The following BRME1 variants were observed in gnomAD, a reference collection of about 807,000 sequenced individuals.
BRME1 encodes the protein break repair meiotic recombinase recruitment factor 1, also known as BRCA2 and MEILB2-associating protein 1.
Under a neutral mutation model 52.6 loss-of-function variants are expected in BRME1, and 31 were observed. That is an observed-to-expected ratio of 0.59 (90% CI 0.44 to 0.80). The LOEUF is 0.80. Among genes scored for constraint, BRME1 ranks in the 30% least tolerant of loss-of-function variants. The probability of loss-of-function intolerance (pLI) is 0.00; values close to 1 mark genes in which losing one functional copy is unlikely to be tolerated. For synonymous variants in BRME1, 359 were observed against 353.6 expected (o/e 1.02, Z -0.17); for missense variants, 804 against 860.3 (o/e 0.93, Z 0.82).
chr19:13,882,936 T>G lies in BRME1; in HGVS notation c.1873A>C (p.Thr625Pro). Residue 625 changes from threonine (T) to proline (P), a missense_variant, in exon 9 of 9, where the codon ACC becomes CCC. Physicochemically the swap from Thr to Pro is conservative, Grantham distance 38. Transcript: ENST00000586783. The stretch of plus-strand genomic sequence containing the variant: ...TTGAAAGCTTCCAGGTCCCGGTGGG[T>G]GCCCATGATCAGCCGGCTGTGGGGG... ...LSNLNRLIMG[T>P]HRDLEAFKRL... 6.2e-7 allele frequency: 1 copy of G among 1,612,886 alleles called. No individual in the cohort carries two copies. Among genetic ancestry groups the G allele is most frequent in the Non-Finnish European group, 8.5e-7 (1 of 1,179,794 alleles).
In BRME1 at chr19:13,883,397, G is replaced by C. The variant is rs1248349632; in HGVS notation, c.1767C>G (p.Thr589=). The C allele has an allele frequency of 5.9e-6, 9 of 1,532,556 alleles. No individual in the cohort carries two copies. The Admixed American group carries it at 9.8e-5, about 17-fold the overall frequency. 94.9% of individuals were successfully genotyped at this position (1,532,556 alleles called of 1,614,324 possible). Residue 589 remains threonine (T), a synonymous_variant, in exon 8 of 9, where the codon ACC becomes ACG. Transcript: ENST00000586783. The surrounding 1 kb of genome is among the most constrained non-coding windows in gnomAD (Gnocchi z 4.2). ...PVAVAKAQPR[T]FVGIQASEAS... ...CCTCAGAGGCCTGGATCCCCACGAAGGTCCTGGCCAGCAGGGAAGGAAATT... is the reference window on the plus strand; with the variant it reads ...CCTCAGAGGCCTGGATCCCCACGAACGTCCTGGCCAGCAGGGAAGGAAATT...
rs1014128285 is a variant in BRME1, at chr19:13,882,514, T to C, written c.*288A>G. 1.2e-5 allele frequency: 6 copies of C among 503,090 alleles called. No individual in the cohort carries two copies. Among genetic ancestry groups the C allele is most frequent in the East Asian group, 3.3e-5 (1 of 29,878 alleles). The allele number at this position is 503,090 out of a possible 1,614,324, so 31.2% of individuals were successfully genotyped here. ...CTAAAATTTGCAAATCCGGACAGGA[T>C]GGGCCCTGCTCAGAGGTGGCCAGCT... On this transcript the variant is annotated 3_prime_UTR_variant, in exon 9 of 9. Coordinates refer to ENST00000586783, the MANE Select transcript of BRME1 (RefSeq NM_001345843.2).
At chr19:13,899,897 G>A (rs1970182193) in intron 2 of BRME1, among the ~76,000 whole-genome samples, 1 of 152,116 alleles carries the variant, frequency 6.6e-6, no homozygotes, top group Admixed American at 6.6e-5. Context: ...AGCTAATCAG[G>A]AGGCTGAGGC....
Position 13,889,270 on chromosome 19 carries a change from A to C in BRME1, c.1586T>G (p.Leu529Ter), listed in dbSNP as rs1969268860. The change falls in exon 6 of 9, where the codon TTA (leucine) becomes TGA (stop). Residue 529 changes from leucine (L) to a stop codon, truncating the protein, a stop_gained. Transcript: ENST00000586783. LOFTEE classifies it high-confidence loss of function. ...CAGCAGGAAGTCGAGTTCCACAGCTAAAGAGTCTGCCCAGGTGCCCTGGTC... is the reference window on the plus strand; with the variant it reads ...CAGCAGGAAGTCGAGTTCCACAGCTCAAGAGTCTGCCCAGGTGCCCTGGTC... The part of the protein sequence containing the change: ...SADQGTWADS[L>*]AVELDFLLDS... 1.9e-6 allele frequency: 3 copies of C among 1,614,002 alleles called. No homozygotes were observed. The highest frequency in any genetic ancestry group is 2.5e-6 in the Non-Finnish European group (3 of 1,179,954).
At position 13,886,073 on chromosome 19, in the gene BRME1, G is replaced by C. The variant is rs761816969; in HGVS notation, c.1669-18C>G. ...GGAAAGAGCTGGAAAGAGAGCACAA[G>C]GTGTGAGTGGTCGAGGCCTGGGTCG... is the stretch of plus-strand genomic sequence containing the variant. On this transcript the variant is annotated intron_variant, in intron 6 of 8. Transcript: ENST00000586783. The C allele has an allele frequency of 6.2e-7, 1 of 1,610,616 alleles. No homozygotes were observed. The highest frequency in any genetic ancestry group is 1.3e-5 in the African/African-American group (1 of 74,896).
chr19:13,889,671 T>C lies in BRME1; in HGVS notation c.1185A>G (p.Thr395=). 6.2e-7 allele frequency: 1 copy of C among 1,610,510 alleles called. No individual in the cohort carries two copies. The highest frequency in any genetic ancestry group is 8.5e-7 in the Non-Finnish European group (1 of 1,178,774). ...CCTGCCCTGCCTCCCCACTTTCTCC[T>C]GTGGTTTCCCCAGTGAGCGAGGTGC... ...PGCTSLTGET[T]GESGEAGQDG... Residue 395 remains threonine (T), a synonymous_variant, in exon 6 of 9, where the codon ACA becomes ACG. Coordinates refer to ENST00000586783, the MANE Select transcript of BRME1 (RefSeq NM_001345843.2).
At chr19:13,894,474 G>A (rs569286806) in intron 3 of BRME1, among the ~76,000 whole-genome samples, 21 of 151,746 alleles carry the variant, frequency 1.4e-4, no homozygotes, top group Admixed American at 9.2e-4. Context: ...GCAGTGAGCC[G>A]AGATTGTGCC....
chr19:13,897,816 G>C (rs1253355527), intron 2 of BRME1, among the ~76,000 whole-genome samples: 1 of 152,086 alleles, frequency 6.6e-6, no homozygotes, highest in African/African-American at 2.4e-5. Flanking sequence ...AGTCCAGACT[G>C]TGCCACTGCA....
At chr19:13,895,318 G>A (rs928328879) in intron 3 of BRME1, 54 bp downstream of exon 3, 14 of 1,553,616 alleles carry the variant, frequency 9.0e-6, no homozygotes, top group Non-Finnish European at 1.1e-5. Context: ...CTGAGCTGCT[G>A]TGCTATGTGG....
intron 2 of BRME1, among the ~76,000 whole-genome samples, chr19:13,896,041 G>C (rs1260176312): frequency 6.6e-6 from 1 of 152,140 alleles, no homozygotes; most frequent in African/African-American, 2.4e-5. Context: ...AGGCCGAGGC[G>C]GGTGGATCAC....
intron 3 of BRME1, 117 bp downstream of exon 3, chr19:13,895,255 G>A: frequency 9.6e-7 from 1 of 1,043,460 alleles, no homozygotes; most frequent in Non-Finnish European, 1.4e-6. Context: ...GGGAGGGAGT[G>A]GGTCACAGCA....
rs1968714642 is a variant in BRME1, at chr19:13,882,688, TC to T, written c.*113del. 3.5e-6 allele frequency: 5 copies of T among 1,417,156 alleles called. No homozygotes were observed. The highest frequency in any genetic ancestry group is 1.4e-5 in the African/African-American group (1 of 69,024). The allele number at this position is 1,417,156 out of a possible 1,614,324, so 87.8% of individuals were successfully genotyped here. On this transcript the variant is annotated 3_prime_UTR_variant, in exon 9 of 9. Coordinates refer to ENST00000586783, the MANE Select transcript of BRME1 (RefSeq NM_001345843.2). ...TTGTGTTGTCCATGGAAGACCAACT[TC>T]CGGGCAACTGAAGGGAGGTTTGTAG...
Position 13,892,644 on chromosome 19 carries a change from A to T in BRME1, c.393+142T>A, listed in dbSNP as rs185928017. 4.0e-4 allele frequency: 255 copies of T among 631,790 alleles called. 1 individual carries two copies. In the African/African-American group the frequency reaches 4.4e-3, roughly 11 times the overall value. 39.1% of individuals were successfully genotyped at this position (631,790 alleles called of 1,614,324 possible). A position where few individuals can be genotyped will look rare whatever the true frequency, so the allele number is the denominator to read the frequency against. The stretch of plus-strand genomic sequence containing the variant: ...TGTTGCATAGTCAACACACATCCAT[A>T]GCGCAATGTACTGAAAACGGTGGGT... On this transcript the variant is annotated intron_variant, in intron 5 of 8. Coordinates refer to ENST00000586783, the MANE Select transcript of BRME1 (RefSeq NM_001345843.2).
Position 13,893,139 on chromosome 19 carries a change from C to T in BRME1, c.288+3G>A. ...TATCCACGAGGCCACAGGACGAGCT[C>T]ACCTGGGAAGGAGGAAGGGGAGCTG... On this transcript the variant is annotated splice_donor_region_variant and intron_variant, in intron 4 of 8. Coordinates refer to ENST00000586783, the MANE Select transcript of BRME1 (RefSeq NM_001345843.2). The T allele has an allele frequency of 6.3e-7, 1 of 1,595,384 alleles. No individual in the cohort carries two copies. Among genetic ancestry groups the T allele is most frequent in the Non-Finnish European group, 8.5e-7 (1 of 1,171,604 alleles).
chr19:13,895,634 G>T (rs1222062559), intron 2 of BRME1, 88 bp from the exon 3 acceptor site: 2 of 1,216,596 alleles, frequency 1.6e-6, no homozygotes, highest in Non-Finnish European at 1.2e-6. Flanking sequence ...CTACAACCAG[G>T]CTGCACGCGA....
intron 7 of BRME1, among the ~76,000 whole-genome samples, chr19:13,885,755 T>G (rs1009912507): frequency 2.6e-5 from 4 of 152,176 alleles, no homozygotes; most frequent in Admixed American, 6.5e-5. Flanking sequence ...GGGTTGGGTG[T>G]CGATCACTGG....
chr19:13,887,363 G>A (rs1969111513), intron 6 of BRME1, among the ~76,000 whole-genome samples: 1 of 152,218 alleles, frequency 6.6e-6, no homozygotes, highest in Non-Finnish European at 1.5e-5. Flanking sequence ...CCCTGGCAGT[G>A]CTGTCAGGGC....
chr19:13,895,567 G>A, intron 2 of BRME1, 21 bp from the exon 3 acceptor site: 2 of 1,602,616 alleles, frequency 1.2e-6, no homozygotes, highest in Non-Finnish European at 1.7e-6. Flanking sequence ...GACAGAGGAA[G>A]ATGAAGGGGT....
chr19:13,905,597 AG>A (rs1970654178), intron 1 of BRME1, 117 bp downstream of exon 1: 1 of 151,978 alleles, frequency 6.6e-6, no homozygotes, highest in African/African-American at 2.4e-5. Flanking sequence ...CAGGAGGCAG[AG>A]GTTGCAATGA....
Sources: gnomAD v4.1 joint callset for allele counts (sites outside exome capture counted in the v4.1 genomes callset) on GRCh38, gnomAD v4.1.1 for gene constraint, Gnocchi (gnomAD v3.1) non-coding constraint, MANE v1.5 for transcripts, NCBI Gene and HGNC (gene_info 2026-07-23, HGNC 2026-07-21) for gene names.